ESRRG: variants seen among roughly 807,000 people sequenced by gnomAD.
The protein encoded by ESRRG is estrogen related receptor gamma.
ESRRG carries 13 observed loss-of-function variants against 44.0 expected under a neutral mutation model. The observed-to-expected ratio is 0.30, with a 90% CI of 0.19 to 0.47. The LOEUF (loss-of-function observed/expected upper bound fraction) is 0.47. Ranked by LOEUF, ESRRG falls within the 20% of genes least tolerant of loss-of-function variation. The pLI is 1.00. For missense variants in ESRRG, 395 were observed against 580.6 expected (o/e 0.68, Z 3.29); for synonymous variants, 215 against 214.6 (o/e 1.00, Z -0.02).
chr1:216,985,394 T>G (rs1235510674), intron 1 of ESRRG, among the ~76,000 whole-genome samples: 1 of 152,204 alleles, frequency 6.6e-6, no homozygotes, highest in Non-Finnish European at 1.5e-5. Context: ...CAATCCAGGC[T>G]GGAGAAGGAA....
At chr1:216,654,740 A>C (rs530087362) in intron 2 of ESRRG, among the ~76,000 whole-genome samples, 1 of 152,172 alleles carries the variant, frequency 6.6e-6, no homozygotes, top group East Asian at 1.9e-4. Context: ...AAAATACAAA[A>C]GCTTCTGAGG....
At chr1:216,886,600 T>C (rs1357451342) in intron 2 of ESRRG, among the ~76,000 whole-genome samples, 1 of 152,238 alleles carries the variant, frequency 6.6e-6, no homozygotes, top group Non-Finnish European at 1.5e-5. Flanking sequence ...TATGCCTGTA[T>C]TCCTTCAAGA....
intron 2 of ESRRG, among the ~76,000 whole-genome samples, chr1:216,756,132 T>C (rs538940698): frequency 6.6e-6 from 1 of 152,192 alleles, no homozygotes; most frequent in African/African-American, 2.4e-5. Context: ...AGATAGCATC[T>C]GCTCTATCTA....
intron 1 of ESRRG, among the ~76,000 whole-genome samples, chr1:217,024,390 T>C (rs12067977): frequency 0.24 from 35,722 of 151,114 alleles, 4,588 homozygotes; most frequent in Middle Eastern, 0.41. Flanking sequence ...ACTGAATAAC[T>C]TCAGGCTAGG....
intron 2 of ESRRG, among the ~76,000 whole-genome samples, chr1:216,801,871 A>G (rs986608114): frequency 2.0e-5 from 3 of 152,122 alleles, no homozygotes; most frequent in African/African-American, 7.2e-5. Flanking sequence ...AATCCTGCTT[A>G]TCTGTTTTTC....
intron 2 of ESRRG, among the ~76,000 whole-genome samples, chr1:216,887,553 G>A (rs866483637): frequency 6.6e-6 from 1 of 152,138 alleles, no homozygotes; most frequent in African/African-American, 2.4e-5. Flanking sequence ...GTTCCTTAAA[G>A]TGATGATGAT....
chr1:216,993,066 T>C (rs1303051638), intron 1 of ESRRG, among the ~76,000 whole-genome samples: 1 of 152,244 alleles, frequency 6.6e-6, no homozygotes, highest in Non-Finnish European at 1.5e-5. Flanking sequence ...TTCAAAAAAG[T>C]AGGAGCTCTA....
At chr1:217,078,640 G>A (rs76296043) in intron 1 of ESRRG, among the ~76,000 whole-genome samples, 76 of 152,332 alleles carry the variant, frequency 5.0e-4, no homozygotes, top group African/African-American at 1.8e-3. Context: ...GTATTCTCGG[G>A]ACTTATACGT....
chr1:216,649,542 A>T (rs1046719176), intron 3 of ESRRG, among the ~76,000 whole-genome samples: 1 of 151,930 alleles, frequency 6.6e-6, no homozygotes, highest in African/African-American at 2.4e-5. Flanking sequence ...ACATACACAC[A>T]CATACATATA....
chr1:216,941,539 C>G (rs1035787167), intron 1 of ESRRG, among the ~76,000 whole-genome samples: 1 of 152,134 alleles, frequency 6.6e-6, no homozygotes, highest in African/African-American at 2.4e-5. Context: ...CAACAACTAT[C>G]TCAAAGCAGA....
At chr1:216,628,340 G>A (rs554587514) in intron 3 of ESRRG, among the ~76,000 whole-genome samples, 1 of 152,248 alleles carries the variant, frequency 6.6e-6, no homozygotes, top group South Asian at 2.1e-4. Context: ...CTGCAGACTT[G>A]CACTCCTGGG....
rs139988891 is a variant in ESRRG, at chr1:217,007,754, C to G, written c.-105-68081G>C. 3.6e-3 allele frequency among the ~76,000 whole-genome samples: 550 copies of G among 152,156 alleles called. 2 individuals are homozygous for G. The highest frequency in any genetic ancestry group is 0.013 in the African/African-American group (525 of 41,522). Reference sequence around the variant, plus strand: ...CTTTTCTTCCTCCCTTCCCTCTTTTCTTCTGATGCTTATTCACTATATATG... The same window carrying G: ...CTTTTCTTCCTCCCTTCCCTCTTTTGTTCTGATGCTTATTCACTATATATG... On this transcript the variant is annotated intron_variant, in intron 1 of 7. Coordinates refer to the ESRRG transcript ENST00000359162.
At chr1:216,940,352 A>T (rs1038090546) in intron 1 of ESRRG, among the ~76,000 whole-genome samples, 2 of 152,222 alleles carry the variant, frequency 1.3e-5, no homozygotes, top group African/African-American at 4.8e-5. Flanking sequence ...AAAAATGGCA[A>T]TTCCATATGA....
Position 216,886,837 on chromosome 1 carries a change from C to T in ESRRG, c.-14+52745G>A, listed in dbSNP as rs548132553. Among the ~76,000 whole-genome samples the T allele has an allele frequency of 3.0e-4, 46 of 152,260 alleles. 1 individual carries two copies. Among genetic ancestry groups the T allele is most frequent in the African/African-American group, 1.1e-3 (44 of 41,556 alleles). The stretch of plus-strand genomic sequence containing the variant: ...CTCCTGGGCTCAGGTGATCCTCCCA[C>T]CTTAGCCTCCCAAATAGCTGGGACT... On this transcript the variant is annotated intron_variant, in intron 2 of 7. Transcript: ENST00000359162.
At chr1:216,645,360 T>G (rs1205287516) in intron 3 of ESRRG, among the ~76,000 whole-genome samples, 1 of 152,110 alleles carries the variant, frequency 6.6e-6, no homozygotes, top group Non-Finnish European at 1.5e-5. Flanking sequence ...ATCATCATCA[T>G]TGTAATTATA....
chr1:217,127,049 A>G (rs567613303), intron 1 of ESRRG, among the ~76,000 whole-genome samples: 27 of 152,280 alleles, frequency 1.8e-4, no homozygotes, highest in Admixed American at 1.6e-3. Flanking sequence ...ATTATTAGAG[A>G]TTTCCAATTA....
At chr1:216,835,080 G>A (rs868203112) in intron 2 of ESRRG, among the ~76,000 whole-genome samples, 18 of 152,316 alleles carry the variant, frequency 1.2e-4, no homozygotes, top group African/African-American at 4.3e-4. Flanking sequence ...GGCAGCTGTG[G>A]AGTTTTTTGT....
At chr1:216,719,960 T>C (rs2085843989) in intron 1 of ESRRG, among the ~76,000 whole-genome samples, 1 of 152,042 alleles carries the variant, frequency 6.6e-6, no homozygotes, top group South Asian at 2.1e-4. Context: ...TTTTTAAACT[T>C]ACCACCAAAT....
At chr1:216,569,581 T>A (rs2149633023) in intron 3 of ESRRG, among the ~76,000 whole-genome samples, 1 of 152,312 alleles carries the variant, frequency 6.6e-6, no homozygotes, top group African/African-American at 2.4e-5. Context: ...GTTTCCAGAC[T>A]ATAATTGTAA....
Sources: allele counts gnomAD v4.1 joint callset (sites outside exome capture counted in the v4.1 genomes callset), GRCh38; gene constraint gnomAD v4.1.1; transcripts MANE v1.5; gene names NCBI Gene and HGNC (gene_info 2026-07-23, HGNC 2026-07-21).